Variants in ATP6V1C1 observed in about 807,000 individuals in gnomAD.
ATP6V1C1 encodes V-type proton ATPase subunit C 1.
Under a neutral mutation model 53.9 loss-of-function variants are expected in ATP6V1C1, and 45 were observed. The observed-to-expected ratio is 0.83, with a 90% confidence interval of 0.66 to 1.07. The LOEUF (loss-of-function observed/expected upper bound fraction) is 1.07. ATP6V1C1 is among the 50% of genes least tolerant of loss of function. The probability of loss-of-function intolerance (pLI) is 0.00; values close to 1 mark genes in which losing one functional copy is unlikely to be tolerated. For missense variants in ATP6V1C1, 315 were observed against 440.3 expected, an observed-to-expected ratio of 0.72 and a Z score of 2.55; for synonymous variants, 153 against 155.2, an observed-to-expected ratio of 0.99 and a Z score of 0.11.
chr8:103,033,910 C>T (rs1189476992), intron 1 of ATP6V1C1, among the ~76,000 whole-genome samples: 1 of 152,142 alleles, frequency 6.6e-6, no homozygotes, highest in Non-Finnish European at 1.5e-5. Flanking sequence ...AGGGGTACAC[C>T]TATACTAACT....
rs1817578229 is a variant in ATP6V1C1, at chr8:103,071,026, C to T, written c.*2279C>T. The T allele has an allele frequency of 6.6e-6, 1 of 152,220 alleles. No homozygotes were observed. Among genetic ancestry groups the T allele is most frequent in the African/African-American group, 2.4e-5 (1 of 41,454 alleles). 9.4% of individuals were successfully genotyped at this position (152,220 alleles called of 1,614,324 possible). A position where few individuals can be genotyped will look rare whatever the true frequency, so the allele number is the denominator to read the frequency against. ...GGGGAACACAGGTAGTTCCTTTTCA[C>T]TGTGTTTAATTTGGGAAAATCCAGA... On this transcript the variant is annotated 3_prime_UTR_variant, in exon 13 of 13. Transcript: ENST00000518738.
At chr8:103,058,076 G>A (rs184393336) in intron 8 of ATP6V1C1, among the ~76,000 whole-genome samples, 1 of 152,276 alleles carries the variant, frequency 6.6e-6, no homozygotes, top group African/African-American at 2.4e-5. Flanking sequence ...TGTCCAGGGG[G>A]ATGGTCTGTA....
intron 5 of ATP6V1C1, among the ~76,000 whole-genome samples, chr8:103,051,589 T>C (rs1817200560): frequency 6.6e-6 from 1 of 152,130 alleles, no homozygotes; most frequent in Non-Finnish European, 1.5e-5. Context: ...TTTGATCCTC[T>C]GCCTGGAAAA....
Position 103,066,376 on chromosome 8 carries a change from T to C in ATP6V1C1, c.982T>C (p.Leu328=). The change falls in exon 12 of 13, where the codon TTG becomes CTG. Residue 328 remains leucine, a synonymous_variant. Coordinates refer to ENST00000518738, the MANE Select transcript of ATP6V1C1 (RefSeq NM_001695.5). ...AMLLQPNKKT[L]KKLREVLHEL... ...GCTACTTCAGCCCAATAAGAAAACT[T>C]TGAAGAAACTGAGAGAAGTATTACA... is the stretch of plus-strand genomic sequence containing the variant. 1 of 1,613,424 alleles carries C rather than the reference T, an allele frequency of 6.2e-7. No homozygotes were observed. Among genetic ancestry groups the C allele is most frequent in the Non-Finnish European group, 8.5e-7 (1 of 1,179,834 alleles).
intron 10 of ATP6V1C1, among the ~76,000 whole-genome samples, chr8:103,063,951 T>A (rs1410382576): frequency 6.6e-6 from 1 of 152,224 alleles, no homozygotes; most frequent in Non-Finnish European, 1.5e-5. Flanking sequence ...AACCAAGTAA[T>A]GTCAAAATAA....
At chr8:103,058,212 A>G (rs1817324629) in intron 8 of ATP6V1C1, among the ~76,000 whole-genome samples, 1 of 152,242 alleles carries the variant, frequency 6.6e-6, no homozygotes, top group Non-Finnish European at 1.5e-5. Context: ...GAACAGTTTA[A>G]TGCAGTCAAG....
intron 1 of ATP6V1C1, among the ~76,000 whole-genome samples, chr8:103,027,177 G>C (rs907618473): frequency 2.6e-5 from 4 of 152,178 alleles, no homozygotes; most frequent in Admixed American, 2.6e-4. Flanking sequence ...TGATAGCTGA[G>C]GTATGCCTTC....
At chr8:103,051,242 C>T in intron 5 of ATP6V1C1, 98 bp downstream of exon 5, 1 of 839,662 alleles carries the variant, frequency 1.2e-6, no homozygotes, top group East Asian at 2.7e-5. Flanking sequence ...TTTGATAAGG[C>T]AACTTAATTA....
Position 103,040,919 on chromosome 8 carries a change from A to G in ATP6V1C1, c.83A>G (p.Lys28Arg), listed in dbSNP as rs1816988351. The change falls in exon 2 of 13, where the codon AAG becomes AGG. Residue 28 changes from lysine (K) to arginine (R), a missense_variant. Transcript: ENST00000518738. ...GAGAAATTGCATGCGGCAACTTCAA[A>G]GAACAATAATCTTGCTGTCACTTCC... ...TWEKLHAATS[K>R]NNNLAVTSKF... 6.2e-7 allele frequency: 1 copy of G among 1,614,146 alleles called. No homozygotes were observed. Among genetic ancestry groups the G allele is most frequent in the Non-Finnish European group, 8.5e-7 (1 of 1,180,002 alleles).
chr8:103,066,521 C>T (rs995688969), intron 12 of ATP6V1C1, 74 bp downstream of exon 12: 8 of 1,422,864 alleles, frequency 5.6e-6, no homozygotes, highest in Non-Finnish European at 7.5e-6. Context: ...AGAAGATAGA[C>T]AGAAAAGGGA....
In ATP6V1C1 at chr8:103,029,248, T is replaced by TCTTC. The variant is rs1286969087; in HGVS notation, c.-40+8036_-40+8039dup. On this transcript the variant is annotated intron_variant, in intron 1 of 12. Coordinates refer to ENST00000518738, the MANE Select transcript of ATP6V1C1 (RefSeq NM_001695.5). ...CAGAAATTGTCTATCTTTTGTTCTT[T>TCTTC]CTTCCTTCCTTCCTTCTTTTCTCTC... 3.3e-5 allele frequency among the ~76,000 whole-genome samples: 5 copies of TCTTC among 151,894 alleles called. No homozygotes were observed. In the East Asian group the frequency reaches 9.7e-4, roughly 29 times the overall value.
At chr8:103,038,436 A>G (rs1816937240) in intron 1 of ATP6V1C1, among the ~76,000 whole-genome samples, 1 of 152,212 alleles carries the variant, frequency 6.6e-6, no homozygotes, top group African/African-American at 2.4e-5. Context: ...GTCACACTGC[A>G]TAGGAGCATG....
At position 103,070,499 on chromosome 8, in the gene ATP6V1C1, TG is replaced by T. The variant is rs912095569; in HGVS notation, c.*1754del. 4.6e-5 allele frequency: 7 copies of T among 152,230 alleles called. No homozygotes were observed. Among genetic ancestry groups the T allele is most frequent in the African/African-American group, 1.7e-4 (7 of 41,462 alleles). The allele number at this position is 152,230 out of a possible 1,614,324, so 9.4% of individuals were successfully genotyped here. On this transcript the variant is annotated 3_prime_UTR_variant, in exon 13 of 13. Coordinates refer to ENST00000518738, the MANE Select transcript of ATP6V1C1 (RefSeq NM_001695.5). ...GAAAGATTTTGCTATCAGAAAATTTTGGTTCTTTGTCTTTTGCACATGTTCT... is the reference window on the plus strand; with the variant it reads ...GAAAGATTTTGCTATCAGAAAATTTTGTTCTTTGTCTTTTGCACATGTTCT...
chr8:103,044,906 A>G (rs572070186), intron 3 of ATP6V1C1, among the ~76,000 whole-genome samples: 1 of 152,300 alleles, frequency 6.6e-6, no homozygotes, highest in African/African-American at 2.4e-5. Flanking sequence ...TGTCTTCAAA[A>G]TTCAGTTGGA....
intron 1 of ATP6V1C1, among the ~76,000 whole-genome samples, chr8:103,025,320 G>C (rs1210164816): frequency 6.6e-6 from 1 of 152,142 alleles, no homozygotes; most frequent in Non-Finnish European, 1.5e-5. Context: ...GCTGATTAGC[G>C]ATCTCCACAT....
chr8:103,070,660 T>G lies in ATP6V1C1; in HGVS notation c.*1913T>G, dbSNP rs191373414. On this transcript the variant is annotated 3_prime_UTR_variant, in exon 13 of 13. Coordinates refer to ENST00000518738, the MANE Select transcript of ATP6V1C1 (RefSeq NM_001695.5). ...ACACAGTGACTTTTAAGGTTTTATT[T>G]AGACTTTACTGTTGTTCTCATGAGA... 116 of 152,352 alleles carry G rather than the reference T, an allele frequency of 7.6e-4. No individual in the cohort carries two copies. Among genetic ancestry groups the G allele is most frequent in the African/African-American group, 2.6e-3 (108 of 41,580 alleles). 9.4% of individuals were successfully genotyped at this position (152,352 alleles called of 1,614,324 possible). A position where few individuals can be genotyped will look rare whatever the true frequency, so the allele number is the denominator to read the frequency against.
At chr8:103,045,840 C>T (rs970774716) in intron 3 of ATP6V1C1, among the ~76,000 whole-genome samples, 2 of 151,978 alleles carry the variant, frequency 1.3e-5, no homozygotes, top group Admixed American at 1.3e-4. Context: ...ACTCGGGAGG[C>T]TGAGGCAGGA....
chr8:103,033,807 C>T (rs1006330432), intron 1 of ATP6V1C1, among the ~76,000 whole-genome samples: 1 of 152,142 alleles, frequency 6.6e-6, no homozygotes, highest in African/African-American at 2.4e-5. Flanking sequence ...AGTTAATACA[C>T]GTGAAGTGTT....
rs777519752 is a variant in ATP6V1C1 at position 103,063,107 on chromosome 8, A to T, written c.735-28A>T. 3 of 1,610,682 alleles carry T rather than the reference A, an allele frequency of 1.9e-6. No homozygotes were observed. In the African/African-American group the frequency reaches 4.0e-5, roughly 22 times the overall value. On this transcript the variant is annotated intron_variant, in intron 9 of 12. Coordinates refer to ENST00000518738, the MANE Select transcript of ATP6V1C1 (RefSeq NM_001695.5). ...TAGATCAGCTGTATACAATGTGAAC[A>T]ATTTTGTTTTTTTTCCCCCAAATTT...
Sources: gnomAD v4.1 joint callset for allele counts (sites outside exome capture counted in the v4.1 genomes callset) on GRCh38, gnomAD v4.1.1 for gene constraint, MANE v1.5 for transcripts, NCBI Gene and HGNC (gene_info 2026-07-23, HGNC 2026-07-21) for gene names.